Variants in GCNT1 observed in about 807,000 individuals in gnomAD.
The protein encoded by GCNT1 is glucosaminyl (N-acetyl) transferase 1.
GCNT1 carries 16 observed loss-of-function variants against 26.2 expected under a neutral mutation model. The ratio of observed to expected loss-of-function variants is 0.61; its 90% CI spans 0.41 to 0.93. The LOEUF is 0.93. GCNT1 is among the 40% of genes least tolerant of loss of function. The probability of loss-of-function intolerance (pLI) is 0.00; values close to 1 mark genes in which losing one functional copy is unlikely to be tolerated. For synonymous variants in GCNT1, 183 were observed against 190.8 expected, an observed-to-expected ratio of 0.96 and a Z score of 0.34; for missense variants, 477 against 526.7, an observed-to-expected ratio of 0.91 and a Z score of 0.92.
At chr9:76,419,103 C>A (rs1823156920), upstream of GCNT1, among the ~76,000 whole-genome samples, 1 of 152,084 alleles carries the variant, frequency 6.6e-6, no homozygotes, top group Non-Finnish European at 1.5e-5. Flanking sequence ...TTCTGAGTCC[C>A]AACATTGCCT....
chr9:76,396,644 C>A, the GCNT1 span, among the ~76,000 whole-genome samples: 1 of 151,738 alleles, frequency 6.6e-6, no homozygotes, highest in Non-Finnish European at 1.5e-5. Context: ...GAGTTGGAGA[C>A]CAGCCTGGGC....
chr9:76,443,318 G>C (rs534547301), intron 1 of GCNT1, among the ~76,000 whole-genome samples: 1 of 152,200 alleles, frequency 6.6e-6, no homozygotes, highest in Non-Finnish European at 1.5e-5. Flanking sequence ...AGAGCTGAGA[G>C]CCCTGAACAG....
chr9:76,398,273 CAATT>C, the GCNT1 span, among the ~76,000 whole-genome samples: 2 of 152,114 alleles, frequency 1.3e-5, no homozygotes, highest in African/African-American at 4.8e-5. Context: ...ATAAGCAACT[CAATT>C]AAAAAATGAG....
At chr9:76,483,353 T>C (rs1368100605) in intron 2 of GCNT1, among the ~76,000 whole-genome samples, 1 of 152,088 alleles carries the variant, frequency 6.6e-6, no homozygotes, top group Non-Finnish European at 1.5e-5. Flanking sequence ...ATAATGCTTA[T>C]ATGGTTTCTA....
In GCNT1 at chr9:76,503,006, A is replaced by G. The variant is rs2131646507; in HGVS notation, c.625A>G (p.Asn209Asp). The G allele has an allele frequency of 6.2e-7, 1 of 1,613,782 alleles. No individual in the cohort carries two copies. The highest frequency in any genetic ancestry group is 2.2e-5 in the East Asian group (1 of 44,882). ...GAAGGATCTCTATGCAATGAGTGCA[A>G]ACTGGAAGTACTTGATAAATCTTTG... The part of the protein sequence containing the change: ...CMKDLYAMSA[N>D]WKYLINLCGM... The change falls in exon 4 of 4, where the codon AAC becomes GAC. Residue 209 changes from asparagine to aspartate, a missense_variant. Physicochemically the swap from Asn to Asp is conservative, Grantham distance 23. Coordinates refer to ENST00000376730, the MANE Select transcript of GCNT1 (RefSeq NM_001490.5).
chr9:76,438,703 A>C (rs1823441288), upstream of GCNT1, among the ~76,000 whole-genome samples: 1 of 151,974 alleles, frequency 6.6e-6, no homozygotes, highest in East Asian at 1.9e-4. Flanking sequence ...TAAATGTACC[A>C]GGGGTTTCCA....
the GCNT1 span, among the ~76,000 whole-genome samples, chr9:76,396,184 CAT>C: frequency 2.6e-5 from 4 of 152,162 alleles, no homozygotes; most frequent in Non-Finnish European, 5.9e-5. Context: ...TTAAATGAAT[CAT>C]AGGAGGTAAA....
chr9:76,407,937 T>C, the GCNT1 span, among the ~76,000 whole-genome samples: 1 of 152,260 alleles, frequency 6.6e-6, no homozygotes, highest in Admixed American at 6.5e-5. Context: ...ATTGCTGATA[T>C]ACCAGAAAGG....
chr9:76,479,915 A>G (rs1824374185), intron 2 of GCNT1, among the ~76,000 whole-genome samples: 4 of 152,224 alleles, frequency 2.6e-5, no homozygotes, highest in Admixed American at 6.5e-5. Context: ...TGTTTTAGAC[A>G]TGAAGTCCTT....
At chr9:76,450,931 C>T (rs930149490) in intron 1 of GCNT1, among the ~76,000 whole-genome samples, 1 of 152,108 alleles carries the variant, frequency 6.6e-6, no homozygotes, top group Non-Finnish European at 1.5e-5. Flanking sequence ...AGAAATGCTG[C>T]CTGCTCTTAA....
At chr9:76,404,063 G>C in the GCNT1 span, among the ~76,000 whole-genome samples, 1 of 152,178 alleles carries the variant, frequency 6.6e-6, no homozygotes, top group Non-Finnish European at 1.5e-5. Flanking sequence ...AGGATTTACT[G>C]ATAGTGAAAT....
intron 1 of GCNT1, chr9:76,420,022 A>T (rs1311413212): frequency 6.6e-6 from 1 of 152,350 alleles, no homozygotes; most frequent in African/African-American, 2.4e-5. Context: ...TACAGGCTTG[A>T]TACTGTGGCA....
chr9:76,428,693 T>C (rs1823293002), intron 1 of GCNT1, among the ~76,000 whole-genome samples: 1 of 137,758 alleles, frequency 7.3e-6, no homozygotes, highest in African/African-American at 2.7e-5. Flanking sequence ...AGCTGTTGCG[T>C]ATTCTATTTT....
intron 2 of GCNT1, among the ~76,000 whole-genome samples, chr9:76,483,822 C>T (rs1188368237): frequency 1.3e-5 from 2 of 152,020 alleles, no homozygotes; most frequent in African/African-American, 4.8e-5. Flanking sequence ...TTCTGAAAAA[C>T]TTTTTGTCGT....
At chr9:76,415,351 C>T (rs531441379), upstream of GCNT1, among the ~76,000 whole-genome samples, 77 of 152,318 alleles carry the variant, frequency 5.1e-4, no homozygotes, top group African/African-American at 1.6e-3. Context: ...GTCACCACAC[C>T]TGACCTTGAC....
upstream of GCNT1, among the ~76,000 whole-genome samples, chr9:76,441,207 G>A (rs144462774): frequency 3.2e-3 from 488 of 152,052 alleles, 3 homozygotes; most frequent in African/African-American, 0.011. Flanking sequence ...GTGCAGTGGC[G>A]CGATCTCAGC....
the GCNT1 span, chr9:76,394,015 C>T: frequency 2.1e-6 from 3 of 1,431,380 alleles, no homozygotes; most frequent in African/African-American, 2.9e-5. Context: ...CGCCCCGGTC[C>T]CAAGTCCCCG....
the GCNT1 span, chr9:76,394,267 C>G: frequency 2.3e-6 from 3 of 1,289,980 alleles, no homozygotes; most frequent in Non-Finnish European, 3.2e-6. Context: ...AGCCGGGGGA[C>G]AGGAGCGTGA....
chr9:76,501,193 G>A lies in GCNT1; in HGVS notation c.-144+132G>A, dbSNP rs138572783. On this transcript the variant is annotated intron_variant, in intron 3 of 3. Transcript: ENST00000376730. ...GTTAAGTTTCTGGCATTAAAAACTC[G>A]TGTCAAATCTCTAGAAATCTTGTTA... 3.6e-3 allele frequency: 542 copies of A among 152,236 alleles called. 3 individuals carry two copies. The highest frequency in any genetic ancestry group is 0.011 in the African/African-American group (474 of 41,534). The allele number at this position is 152,236 out of a possible 1,614,324, so 9.4% of individuals were successfully genotyped here. A position where few individuals can be genotyped will look rare whatever the true frequency, so the allele number is the denominator to read the frequency against.
Sources: allele counts gnomAD v4.1 joint callset (sites outside exome capture counted in the v4.1 genomes callset), GRCh38; gene constraint gnomAD v4.1.1; transcripts MANE v1.5; gene names NCBI Gene and HGNC (gene_info 2026-07-23, HGNC 2026-07-21).